Variants in TRHDE observed in about 807,000 individuals in gnomAD.
TRHDE encodes thyrotropin-releasing hormone-degrading ectoenzyme.
In TRHDE, 72 loss-of-function variants were observed where a neutral mutation model predicts 125.7. The observed-to-expected ratio is 0.57, with a 90% CI of 0.47 to 0.70. The LOEUF is 0.70. Ranked by LOEUF, TRHDE falls within the 30% of genes least tolerant of loss-of-function variation. TRHDE has a pLI of 0.00. For missense variants in TRHDE, 1,110 were observed against 1,327.1 expected (o/e 0.84, Z 2.54); for synonymous variants, 509 against 509.1 (o/e 1.00, Z 0.00).
chr12:72,267,778 T>C (rs1317328519), upstream of TRHDE, among the ~76,000 whole-genome samples: 1 of 152,130 alleles, frequency 6.6e-6, no homozygotes, highest in East Asian at 1.9e-4. Context: ...AGATTAATCC[T>C]TTTAAATACA....
At chr12:72,631,837 A>T (rs1386639449) in intron 15 of TRHDE, among the ~76,000 whole-genome samples, 1 of 151,952 alleles carries the variant, frequency 6.6e-6, no homozygotes, top group African/African-American at 2.4e-5. Flanking sequence ...ATGCCAAAAA[A>T]CTCAACAAAA....
rs1423643345 is a variant in TRHDE at position 72,252,925 on chromosome 12, AT to A, written n.280-125069del. The stretch of plus-strand genomic sequence containing the variant: ...TTCATTTTCCTTGGGTTGATTGTAA[AT>A]GTGTTTTAATTTTGGTTTTCATACG... On this transcript the variant is annotated intron_variant and non_coding_transcript_variant, in intron 2 of 4. Coordinates refer to the TRHDE transcript ENST00000548156. Among the ~76,000 whole-genome samples the A allele has an allele frequency of 2.6e-5, 4 of 152,148 alleles. No individual in the cohort carries two copies. In the East Asian group the frequency reaches 7.7e-4, roughly 29 times the overall value.
intron 2 of TRHDE, among the ~76,000 whole-genome samples, chr12:72,376,873 A>ATT (rs34217017): frequency 3.4e-5 from 5 of 146,574 alleles, no homozygotes; most frequent in Admixed American, 6.8e-5. Flanking sequence ...TGAGTAAACC[A>ATT]TTTTTTTTTT....
intron 6 of TRHDE, among the ~76,000 whole-genome samples, chr12:72,531,602 T>G (rs1053677708): frequency 6.6e-6 from 1 of 152,086 alleles, no homozygotes; most frequent in Non-Finnish European, 1.5e-5. Flanking sequence ...GCATTGTATA[T>G]TGAGTTCTGT....
chr12:72,272,761 T>C lies in TRHDE; in HGVS notation c.118T>C (p.Ser40Pro). The change falls in exon 1 of 19, where the codon TCA becomes CCA. Residue 40 changes from serine to proline, a missense_variant. Transcript: ENST00000261180. This position sits in a 1 kb window ranked among gnomAD's most constrained non-coding sequence, Gnocchi z 6.7. ...GGAGGAGGGGGCCGAGAAGAGCAGC[T>C]CACCCTTCGCAGCCGCGATGGGGGA... ...EEEEGAEKSS[S>P]PFAAAMGEDD... The C allele has an allele frequency of 1.3e-6, 2 of 1,534,760 alleles. No homozygotes were observed. Among genetic ancestry groups the C allele is most frequent in the Admixed American group, 1.8e-5 (1 of 55,866 alleles).
intron 2 of TRHDE, among the ~76,000 whole-genome samples, chr12:72,297,928 T>C (rs1880363908): frequency 6.6e-6 from 1 of 152,216 alleles, no homozygotes; most frequent in Non-Finnish European, 1.5e-5. Flanking sequence ...ATTTAGTTAA[T>C]GGAGGAGCTT....
At chr12:72,254,566 C>T (rs1468224250) in intron 2 of TRHDE, 4 of 152,114 alleles carry the variant, frequency 2.6e-5, no homozygotes, top group African/African-American at 7.2e-5. Context: ...TTTCTTCAAA[C>T]CTTTAACACC....
At chr12:72,614,580 G>A (rs1872748440) in intron 12 of TRHDE, among the ~76,000 whole-genome samples, 2 of 151,894 alleles carry the variant, frequency 1.3e-5, no homozygotes, top group Admixed American at 6.6e-5. Context: ...GACAGTGACA[G>A]TATCTTCAGC....
At chr12:72,627,249 G>C (rs1033661122) in intron 15 of TRHDE, among the ~76,000 whole-genome samples, 2 of 151,884 alleles carry the variant, frequency 1.3e-5, no homozygotes, top group African/African-American at 2.4e-5. Context: ...AGCTCTAAAA[G>C]TTCAAAATTT....
chr12:72,356,734 G>A (rs1870841750), intron 2 of TRHDE, among the ~76,000 whole-genome samples: 1 of 151,336 alleles, frequency 6.6e-6, no homozygotes, highest in Non-Finnish European at 1.5e-5. Flanking sequence ...GGCTTGTGAT[G>A]GATTGGATTT....
In TRHDE at chr12:72,323,307, C is replaced by G. The variant is rs927007779; in HGVS notation, c.1188+36353C>G. On this transcript the variant is annotated intron_variant, in intron 2 of 18. Transcript: ENST00000261180. Reference sequence around the variant, plus strand: ...TGGCAGAGTGGCTTATTAGAATCACCTGGCAGGGAATAATTTTCCAGATTA... The same window carrying G: ...TGGCAGAGTGGCTTATTAGAATCACGTGGCAGGGAATAATTTTCCAGATTA... Among the ~76,000 whole-genome samples the G allele has an allele frequency of 1.8e-4, 27 of 152,268 alleles. 1 individual carries two copies. Among genetic ancestry groups the G allele is most frequent in the Admixed American group, 1.6e-3 (24 of 15,288 alleles).
chr12:72,372,629 C>A (rs1473298507), intron 2 of TRHDE, among the ~76,000 whole-genome samples: 1 of 152,142 alleles, frequency 6.6e-6, no homozygotes, highest in Non-Finnish European at 1.5e-5. Flanking sequence ...TTTCCCAGCA[C>A]CATTTATTAA....
chr12:72,650,076 T>C (rs1001008117), intron 15 of TRHDE, among the ~76,000 whole-genome samples: 1 of 152,104 alleles, frequency 6.6e-6, no homozygotes, highest in Admixed American at 6.6e-5. Context: ...CATATTAGCA[T>C]TCCCAAGTTT....
intron 2 of TRHDE, among the ~76,000 whole-genome samples, chr12:72,161,106 C>T (rs1223536832): frequency 1.3e-5 from 2 of 152,042 alleles, no homozygotes; most frequent in African/African-American, 4.8e-5. Context: ...ATAGACTTTG[C>T]CACTAATAGT....
At chr12:72,210,571 AAT>A (rs928298386) in intron 2 of TRHDE, among the ~76,000 whole-genome samples, 2 of 152,194 alleles carry the variant, frequency 1.3e-5, no homozygotes, top group African/African-American at 2.4e-5. Context: ...ATATGAAATG[AAT>A]ATATGTCAAA....
chr12:72,409,133 A>C (rs888000555), intron 3 of TRHDE, among the ~76,000 whole-genome samples: 6 of 152,212 alleles, frequency 3.9e-5, no homozygotes, highest in African/African-American at 1.4e-4. Flanking sequence ...AAAATCTTAA[A>C]AGAAGCCAGA....
chr12:72,470,379 C>G (rs1398297766), intron 4 of TRHDE, among the ~76,000 whole-genome samples: 1 of 152,234 alleles, frequency 6.6e-6, no homozygotes, highest in East Asian at 1.9e-4. Flanking sequence ...AAGTCTTTCA[C>G]TAACTCAGCC....
intron 6 of TRHDE, among the ~76,000 whole-genome samples, chr12:72,503,783 C>T (rs1044903928): frequency 2.0e-5 from 3 of 152,160 alleles, no homozygotes; most frequent in African/African-American, 7.2e-5. Flanking sequence ...CCCTAATGAG[C>T]TCAGAGAAGG....
At chr12:72,516,118 G>A (rs2135955169) in intron 6 of TRHDE, among the ~76,000 whole-genome samples, 1 of 151,824 alleles carries the variant, frequency 6.6e-6, no homozygotes, top group South Asian at 2.1e-4. Flanking sequence ...GATTAACTTG[G>A]CGATGCGGGC....
Sources: allele counts gnomAD v4.1 joint callset (sites outside exome capture counted in the v4.1 genomes callset), GRCh38; gene constraint gnomAD v4.1.1; non-coding constraint Gnocchi (gnomAD v3.1); transcripts MANE v1.5; gene names NCBI Gene and HGNC (gene_info 2026-07-23, HGNC 2026-07-21).